Variants in ARAP1 observed in about 807,000 individuals in gnomAD.
The protein encoded by ARAP1 is ArfGAP with RhoGAP domain, ankyrin repeat and PH domain 1.
In ARAP1, 76 loss-of-function variants were observed where a neutral mutation model predicts 172.2. That is an observed-to-expected ratio of 0.44 (90% CI 0.37 to 0.53). The LOEUF is 0.53. Ranked by LOEUF, ARAP1 falls within the 20% of genes least tolerant of loss-of-function variation. The pLI, the probability that ARAP1 is intolerant of heterozygous loss-of-function variation, is 0.00. For synonymous variants in ARAP1, 804 were observed against 803.3 expected, an observed-to-expected ratio of 1.00 and a Z score of -0.01; for missense variants, 1,686 against 1,977.5, an observed-to-expected ratio of 0.85 and a Z score of 2.80.
intron 3 of ARAP1, among the ~76,000 whole-genome samples, chr11:72,715,184 C>T (rs943864265): frequency 6.6e-5 from 10 of 152,240 alleles, no homozygotes; most frequent in African/African-American, 2.4e-4. Flanking sequence ...GAAACGGGGG[C>T]TATATCACTG....
intron 1 of ARAP1, among the ~76,000 whole-genome samples, chr11:72,749,512 A>G (rs1366584960): frequency 6.6e-6 from 1 of 152,180 alleles, no homozygotes; most frequent in Admixed American, 6.5e-5. Context: ...TGGTCGTCTT[A>G]TGCTCTTATG....
Position 72,741,775 on chromosome 11 carries a change from G to A in ARAP1, c.-127-9178C>T, listed in dbSNP as rs775311202. ...CACTCAAGATACAGACCCTCACCAC[G>A]TGCCCTGGGGGCCGAGGGCCAGCAC... On this transcript the variant is annotated intron_variant, in intron 1 of 34. Transcript: ENST00000393609. This position sits in a 1 kb window ranked among gnomAD's most constrained non-coding sequence, Gnocchi z 4.5. 1.2e-4 allele frequency among the ~76,000 whole-genome samples: 18 copies of A among 152,222 alleles called. No individual in the cohort carries two copies. The highest frequency in any genetic ancestry group is 7.8e-4 in the Admixed American group (12 of 15,294).
In ARAP1 at chr11:72,695,427, T is replaced by A; in HGVS notation, c.3536A>T (p.Tyr1179Phe). ...AGTCTCTGCCTTCTTCTCTTCCAGA[T>A]ACACTGTGCAGATGAAGTCACCGGC... ...QHAGDFICTV[Y>F]LEEKKAETEQ... is the part of the protein sequence containing the mutation. Residue 1179 changes from tyrosine (Y) to phenylalanine (F), a missense_variant, in exon 26 of 35, where the codon TAT becomes TTT. This residue lies in a region of ARAP1 where 379 missense variants were observed against 500.1 expected (regional missense o/e 0.76). Coordinates refer to ENST00000393609, the MANE Select transcript of ARAP1 (RefSeq NM_001040118.3). This position sits in a 1 kb window ranked among gnomAD's most constrained non-coding sequence, Gnocchi z 4.4. 6.2e-7 allele frequency: 1 copy of A among 1,614,232 alleles called. No homozygotes were observed. Among genetic ancestry groups the A allele is most frequent in the Middle Eastern group, 1.6e-4 (1 of 6,062 alleles).
intron 3 of ARAP1, chr11:72,722,374 G>A (rs1269195817): frequency 1.0e-5 from 10 of 985,144 alleles, no homozygotes; most frequent in Admixed American, 6.2e-5. Flanking sequence ...AGAATCCCCC[G>A]GGGCAGACAC....
At chr11:72,721,865 G>C (rs907451251) in intron 3 of ARAP1, 10 of 985,608 alleles carry the variant, frequency 1.0e-5, no homozygotes, top group Non-Finnish European at 1.2e-5. Flanking sequence ...GACGCCTGCT[G>C]GGTCTTGGGG....
intron 1 of ARAP1, among the ~76,000 whole-genome samples, chr11:72,747,730 T>C (rs531650506): frequency 5.9e-5 from 9 of 152,286 alleles, no homozygotes; most frequent in African/African-American, 1.9e-4. Context: ...GATAGGACAA[T>C]AGCAGAAACC....
intron 1 of ARAP1, among the ~76,000 whole-genome samples, chr11:72,747,059 G>T (rs73543251): frequency 0.016 from 2,375 of 152,286 alleles, 59 homozygotes; most frequent in African/African-American, 0.054. Context: ...TCTGTCCCGG[G>T]GGTTAAGCCA....
chr11:72,711,559 C>G (rs528950694), intron 7 of ARAP1, 60 bp from the exon 8 acceptor site: 265 of 1,430,650 alleles, frequency 1.9e-4, no homozygotes, highest in South Asian at 5.7e-4. Context: ...GTTCCAGGAC[C>G]ACCCCAGCCC....
At chr11:72,749,113 G>C (rs1469558133) in intron 1 of ARAP1, among the ~76,000 whole-genome samples, 1 of 152,194 alleles carries the variant, frequency 6.6e-6, no homozygotes, top group Non-Finnish European at 1.5e-5. Context: ...CCAGAGCGGG[G>C]ACTGGGTCAG....
Position 72,710,192 on chromosome 11 carries a change from C to T in ARAP1, c.1416+193G>A, listed in dbSNP as rs1856950304. The stretch of plus-strand genomic sequence containing the variant: ...AGGTGCGGGGGAGCAAGGGCCAGGG[C>T]AGGGACTGGAGGGCAGTGCTCAGAG... On this transcript the variant is annotated intron_variant, in intron 10 of 34. Coordinates refer to ENST00000393609, the MANE Select transcript of ARAP1 (RefSeq NM_001040118.3). The surrounding 1 kb of genome is among the most constrained non-coding windows in gnomAD (Gnocchi z 4.3). 6.6e-6 allele frequency among the ~76,000 whole-genome samples: 1 copy of T among 151,380 alleles called. No homozygotes were observed. The highest frequency in any genetic ancestry group is 2.1e-4 in the South Asian group (1 of 4,784).
At position 72,687,310 on chromosome 11, in the gene ARAP1, G is replaced by T. The variant is rs1855733649; in HGVS notation, c.4185+129C>A. ...GGGTTTATTGAATAAACTAGCAAAT[G>T]AATTAAAAGCAACTCAAAATCTCCT... is the stretch of plus-strand genomic sequence containing the variant. On this transcript the variant is annotated intron_variant, in intron 33 of 34. Coordinates refer to ENST00000393609, the MANE Select transcript of ARAP1 (RefSeq NM_001040118.3). 5 of 1,195,040 alleles carry T rather than the reference G, an allele frequency of 4.2e-6. No homozygotes were observed. In the South Asian group the frequency reaches 6.6e-5, roughly 16 times the overall value. The allele number at this position is 1,195,040 out of a possible 1,614,324, so 74.0% of individuals were successfully genotyped here. A position where few individuals can be genotyped will look rare whatever the true frequency, so the allele number is the denominator to read the frequency against.
chr11:72,739,363 C>T (rs977188178), intron 1 of ARAP1, among the ~76,000 whole-genome samples: 1 of 152,146 alleles, frequency 6.6e-6, no homozygotes, highest in Non-Finnish European at 1.5e-5. Flanking sequence ...CTGGGGTCTC[C>T]GGAGTGCTGG....
rs367927606 is a variant in ARAP1 at position 72,685,619 on chromosome 11, G to C, written c.*45C>G. On this transcript the variant is annotated 3_prime_UTR_variant, in exon 35 of 35. Coordinates refer to ENST00000393609, the MANE Select transcript of ARAP1 (RefSeq NM_001040118.3). The stretch of plus-strand genomic sequence containing the variant: ...GAGCATAAGGGGTGTCTGAACAGAA[G>C]GCTTCCAGCGGCGGAATCCTAGAGC... 71 of 1,613,966 alleles carry C rather than the reference G, an allele frequency of 4.4e-5. No individual in the cohort carries two copies. The highest frequency in any genetic ancestry group is 4.2e-5 in the Non-Finnish European group (49 of 1,179,934).
Position 72,714,294 on chromosome 11 carries a change from C to A in ARAP1, c.537G>T (p.Leu179Phe). ...GGGGAGGGGATGATAATGATGGCAG[C>A]AATGACTCCTCCTCCTTAGTGGGCA... ...VSLPTKEEES[L>F]LPSLSSPPQP... Residue 179 changes from leucine (L) to phenylalanine (F), a missense_variant, in exon 4 of 35, where the codon TTG becomes TTT. By Grantham distance (22) the Leu-to-Phe change is conservative. This residue lies in a region of ARAP1 where 155 missense variants were observed against 129.2 expected (regional missense o/e 1.20). Transcript: ENST00000393609. 1 of 1,546,880 alleles carries A rather than the reference C, an allele frequency of 6.5e-7. No individual in the cohort carries two copies. The highest frequency in any genetic ancestry group is 2.0e-5 in the Admixed American group (1 of 50,344).
Position 72,710,701 on chromosome 11 carries a change from C to A in ARAP1, c.1214-114G>T. The A allele has an allele frequency of 8.5e-7, 1 of 1,176,590 alleles. No homozygotes were observed. Among genetic ancestry groups the A allele is most frequent in the Non-Finnish European group, 1.2e-6 (1 of 858,906 alleles). The allele number at this position is 1,176,590 out of a possible 1,614,324, so 72.9% of individuals were successfully genotyped here. A position where few individuals can be genotyped will look rare whatever the true frequency, so the allele number is the denominator to read the frequency against. On this transcript the variant is annotated intron_variant, in intron 9 of 34. Coordinates refer to ENST00000393609, the MANE Select transcript of ARAP1 (RefSeq NM_001040118.3). The surrounding 1 kb of genome is among the most constrained non-coding windows in gnomAD (Gnocchi z 4.3). ...TCCAGAAAGCCCACTCAGATGCCCC[C>A]ATCATTTTGCTTGACTTCTCTGACT...
rs934505389 is a variant in ARAP1 at position 72,693,119 on chromosome 11, G to C, written c.3954+206C>G. On this transcript the variant is annotated intron_variant, in intron 29 of 34. Coordinates refer to ENST00000393609, the MANE Select transcript of ARAP1 (RefSeq NM_001040118.3). This position sits in a 1 kb window ranked among gnomAD's most constrained non-coding sequence, Gnocchi z 4.6. Reference sequence around the variant, plus strand: ...TGGTGTGATGGCATCCGGGTGCCAGGGCTTAGTGGGGCTACAGGGCACACT... The same window carrying C: ...TGGTGTGATGGCATCCGGGTGCCAGCGCTTAGTGGGGCTACAGGGCACACT... 9 of 760,738 alleles carry C rather than the reference G, an allele frequency of 1.2e-5. No individual in the cohort carries two copies. In the African/African-American group the frequency reaches 1.6e-4, roughly 13 times the overall value. 47.1% of individuals were successfully genotyped at this position (760,738 alleles called of 1,614,324 possible).
chr11:72,734,703 G>A (rs1460066384), intron 1 of ARAP1, among the ~76,000 whole-genome samples: 4 of 152,156 alleles, frequency 2.6e-5, no homozygotes, highest in Non-Finnish European at 1.5e-5. Context: ...TAAGAAGGAG[G>A]CAGTATGAAT....
At chr11:72,704,683 G>C in intron 13 of ARAP1, 1 of 261,506 alleles carries the variant, frequency 3.8e-6, no homozygotes, top group Non-Finnish European at 7.4e-6. Flanking sequence ...GCTGGGGATG[G>C]GTGCCTAACC....
intron 3 of ARAP1, among the ~76,000 whole-genome samples, chr11:72,722,575 G>GC (rs1857561037): frequency 1.3e-5 from 2 of 152,222 alleles, no homozygotes; most frequent in African/African-American, 4.8e-5. Context: ...TCTGAAGGGC[G>GC]CAAGTTCTGC....
Sources: gnomAD v4.1 joint callset for allele counts (sites outside exome capture counted in the v4.1 genomes callset) on GRCh38, gnomAD v4.1.1 for gene constraint, gnomAD v4.1.1 regional missense constraint, Gnocchi (gnomAD v3.1) non-coding constraint, MANE v1.5 for transcripts, NCBI Gene and HGNC (gene_info 2026-07-23, HGNC 2026-07-21) for gene names.